NUSAP1: variants seen among roughly 807,000 people sequenced by gnomAD.
NUSAP1 encodes nucleolar and spindle associated protein 1.
A neutral mutation model predicts 52.8 loss-of-function variants in NUSAP1; 32 were observed. The observed-to-expected ratio is 0.61, with a 90% CI of 0.46 to 0.81. The LOEUF is 0.81. Ranked by LOEUF, NUSAP1 falls within the 40% of genes least tolerant of loss-of-function variation. NUSAP1 has a pLI of 0.00. For missense variants in NUSAP1, 499 were observed against 522.3 expected (o/e 0.96, Z 0.43); for synonymous variants, 195 against 183.1 (o/e 1.06, Z -0.52).
intron 10 of NUSAP1, among the ~76,000 whole-genome samples, chr15:41,377,914 T>C (rs890133657): frequency 2.0e-5 from 3 of 148,784 alleles, no homozygotes; most frequent in Non-Finnish European, 3.0e-5. Context: ...GGCAGGAACC[T>C]GGGAGGCAGA....
At position 41,365,600 on chromosome 15, in the gene NUSAP1, C is replaced by G. The variant is rs1203278473; in HGVS notation, c.848+11C>G. 9 of 1,581,086 alleles carry G rather than the reference C, an allele frequency of 5.7e-6. No homozygotes were observed. The highest frequency in any genetic ancestry group is 1.4e-5 in the African/African-American group (1 of 73,970). On this transcript the variant is annotated intron_variant, in intron 7 of 10. Transcript: ENST00000559596. ...TAAAACGGGTGTCAGGTAAAGAAAT[C>G]ACTCCAAAATGTAATCATGAACAAG...
At chr15:41,366,607 A>G (rs1427874816) in intron 7 of NUSAP1, among the ~76,000 whole-genome samples, 1 of 152,038 alleles carries the variant, frequency 6.6e-6, no homozygotes, top group Non-Finnish European at 1.5e-5. Context: ...TACCTCTTAA[A>G]TTTCTCATTC....
At chr15:41,378,294 A>G (rs1341282210) in intron 10 of NUSAP1, among the ~76,000 whole-genome samples, 1 of 152,208 alleles carries the variant, frequency 6.6e-6, no homozygotes, top group Non-Finnish European at 1.5e-5. Flanking sequence ...CAAGGCGTCA[A>G]GGCCCTATAA....
rs375871874 is a variant in NUSAP1 at position 41,332,910 on chromosome 15, G to C, written c.-48G>C. On this transcript the variant is annotated 5_prime_UTR_variant, in exon 1 of 11. Transcript: ENST00000559596. Reference sequence around the variant, plus strand: ...CGCCAGGGATTTGAACCGCGCTGACGAAGTTTGGTGATCCATCTTCCGAGT... The same window carrying C: ...CGCCAGGGATTTGAACCGCGCTGACCAAGTTTGGTGATCCATCTTCCGAGT... The C allele has an allele frequency of 8.2e-5, 119 of 1,459,672 alleles. 1 individual carries two copies. The highest frequency in any genetic ancestry group is 9.9e-5 in the Non-Finnish European group (105 of 1,055,412). The allele number at this position is 1,459,672 out of a possible 1,614,324, so 90.4% of individuals were successfully genotyped here. A position where few individuals can be genotyped will look rare whatever the true frequency, so the allele number is the denominator to read the frequency against.
chr15:41,337,426 C>T (rs939952980), intron 1 of NUSAP1, among the ~76,000 whole-genome samples: 1 of 152,186 alleles, frequency 6.6e-6, no homozygotes, highest in Non-Finnish European at 1.5e-5. Flanking sequence ...GGCCCTCTTG[C>T]TTCCCCTAGG....
intron 6 of NUSAP1, among the ~76,000 whole-genome samples, chr15:41,360,958 G>C (rs796660547): frequency 1.3e-5 from 2 of 152,056 alleles, no homozygotes; most frequent in African/African-American, 4.8e-5. Context: ...CCTGGCCATG[G>C]TGGTGGGTGC....
chr15:41,349,361 T>A, intron 3 of NUSAP1, 120 bp downstream of exon 3: 1 of 1,033,404 alleles, frequency 9.7e-7, no homozygotes, highest in Non-Finnish European at 1.4e-6. Flanking sequence ...CTGTGTGCTG[T>A]AAGCTCCATG....
At chr15:41,337,391 C>T (rs1207299013) in intron 1 of NUSAP1, among the ~76,000 whole-genome samples, 1 of 152,322 alleles carries the variant, frequency 6.6e-6, no homozygotes, top group African/African-American at 2.4e-5. Context: ...TAAGGGCAAC[C>T]TTTCCATTTA....
intron 2 of NUSAP1, among the ~76,000 whole-genome samples, chr15:41,345,946 C>G (rs758784310): frequency 6.6e-6 from 1 of 152,094 alleles, no homozygotes; most frequent in African/African-American, 2.4e-5. Context: ...CTTTATCAAC[C>G]GTCTACTTCT....
At chr15:41,356,706 C>T (rs543068652) in intron 5 of NUSAP1, among the ~76,000 whole-genome samples, 1 of 152,208 alleles carries the variant, frequency 6.6e-6, no homozygotes, top group African/African-American at 2.4e-5. Flanking sequence ...ATACTTTTTC[C>T]ACTACTGCTT....
intron 6 of NUSAP1, among the ~76,000 whole-genome samples, chr15:41,364,209 G>T (rs76434004): frequency 0.015 from 2,350 of 151,936 alleles, 72 homozygotes; most frequent in African/African-American, 0.055. Context: ...TTCTTCCTTT[G>T]TGGCTACAAG....
intron 2 of NUSAP1, chr15:41,345,598 T>A: frequency 3.1e-6 from 1 of 324,428 alleles, no homozygotes; most frequent in South Asian, 2.3e-5. Flanking sequence ...TAGCTGGGAT[T>A]ACAGGCATGC....
In NUSAP1 at chr15:41,380,299, G is replaced by A; in HGVS notation, c.*113G>A. The A allele has an allele frequency of 2.9e-6, 2 of 681,128 alleles. No homozygotes were observed. The highest frequency in any genetic ancestry group is 5.1e-6 in the Non-Finnish European group (2 of 395,832). The allele number at this position is 681,128 out of a possible 1,614,324, so 42.2% of individuals were successfully genotyped here. A position where few individuals can be genotyped will look rare whatever the true frequency, so the allele number is the denominator to read the frequency against. On this transcript the variant is annotated 3_prime_UTR_variant, in exon 11 of 11. Transcript: ENST00000559596. Reference sequence around the variant, plus strand: ...GTCACGAGATCTTTTTCTGCTAACTGTTCATAGTCTGTGTAGTGTCCATGG... The same window carrying A: ...GTCACGAGATCTTTTTCTGCTAACTATTCATAGTCTGTGTAGTGTCCATGG...
At chr15:41,344,935 C>T (rs1438990601) in intron 2 of NUSAP1, among the ~76,000 whole-genome samples, 4 of 151,918 alleles carry the variant, frequency 2.6e-5, no homozygotes, top group African/African-American at 7.3e-5. Context: ...AATGAGACTC[C>T]GTCTCCGAAA....
intron 2 of NUSAP1, chr15:41,345,377 C>T (rs1478643465): frequency 4.0e-5 from 15 of 371,266 alleles, no homozygotes; most frequent in Admixed American, 1.1e-4. Context: ...AAAACCCCTG[C>T]TCCTTTTTTA....
At chr15:41,354,558 AAT>A (rs2048891768) in intron 4 of NUSAP1, among the ~76,000 whole-genome samples, 1 of 151,874 alleles carries the variant, frequency 6.6e-6, no homozygotes, top group Non-Finnish European at 1.5e-5. Context: ...GACCAGAGGA[AAT>A]ATGCCAGACG....
intron 1 of NUSAP1, among the ~76,000 whole-genome samples, chr15:41,339,406 C>T (rs1220180758): frequency 1.4e-5 from 2 of 146,420 alleles, no homozygotes; most frequent in Admixed American, 6.8e-5. Context: ...ATTACTTCGA[C>T]TTTTCTTTTT....
At chr15:41,378,946 T>TTTTTTTTTTG (rs2050096657) in intron 10 of NUSAP1, among the ~76,000 whole-genome samples, 1 of 93,180 alleles carries the variant, frequency 1.1e-5, no homozygotes, top group African/African-American at 4.6e-5. Context: ...TTATCTTGGT[T>TTTTTTTTTTG]TTTTTTTTTT....
At chr15:41,335,071 ATTAAC>A (rs909054954) in intron 1 of NUSAP1, among the ~76,000 whole-genome samples, 41 of 152,068 alleles carry the variant, frequency 2.7e-4, no homozygotes, top group African/African-American at 9.6e-4. Flanking sequence ...GTTTTAAATT[ATTAAC>A]TTGGTACAAC....
Sources: gnomAD v4.1 joint callset for allele counts (sites outside exome capture counted in the v4.1 genomes callset) on GRCh38, gnomAD v4.1.1 for gene constraint, MANE v1.5 for transcripts, NCBI Gene and HGNC (gene_info 2026-07-23, HGNC 2026-07-21) for gene names.